Variants in FRMPD4 observed in about 807,000 individuals in gnomAD.
FRMPD4 encodes FERM and PDZ domain containing 4.
In FRMPD4, 22 loss-of-function variants were observed where a neutral mutation model predicts 94.1. The ratio of observed to expected loss-of-function variants is 0.23; its 90% CI spans 0.17 to 0.33. FRMPD4 has a LOEUF of 0.33. FRMPD4 is among the 10% of genes least tolerant of loss of function. The probability of loss-of-function intolerance (pLI) is 1.00; values close to 1 mark genes in which losing one functional copy is unlikely to be tolerated. For missense variants in FRMPD4, 1,111 were observed against 1,339.9 expected, an observed-to-expected ratio of 0.83 and a Z score of 2.67; for synonymous variants, 631 against 548.6, an observed-to-expected ratio of 1.15 and a Z score of -2.10.
At chrX:12,700,502 C>T (rs1218629380) in intron 9 of FRMPD4, among the ~76,000 whole-genome samples, 4 of 111,923 alleles carry the variant, frequency 3.6e-5, no homozygotes, top group African/African-American at 1.3e-4. Flanking sequence ...TGTTCCCATG[C>T]AGCACTTTAC....
intron 1 of FRMPD4, among the ~76,000 whole-genome samples, chrX:12,439,526 G>A (rs1327272660): frequency 9.0e-6 from 1 of 111,729 alleles, no homozygotes; most frequent in Non-Finnish European, 1.9e-5. Context: ...ATTTCCCATG[G>A]AAACAGGCAT....
intron 1 of FRMPD4, among the ~76,000 whole-genome samples, chrX:12,224,315 A>G (rs1217554924): frequency 9.0e-6 from 1 of 110,749 alleles, no homozygotes; most frequent in African/African-American, 3.3e-5. Context: ...ATGGCGTGAT[A>G]ATGGCTCACT....
intron 1 of FRMPD4, among the ~76,000 whole-genome samples, chrX:12,161,617 C>G (rs2056027267): frequency 8.9e-6 from 1 of 111,834 alleles, no homozygotes; most frequent in Admixed American, 9.5e-5. Flanking sequence ...AAGGAAGAAG[C>G]AGAGTTAGGA....
At chrX:12,174,163 C>G (rs1446008312) in intron 1 of FRMPD4, among the ~76,000 whole-genome samples, 1 of 112,490 alleles carries the variant, frequency 8.9e-6, no homozygotes, top group African/African-American at 3.2e-5. Flanking sequence ...CTATTCAACT[C>G]TGCCCATGTA....
At chrX:12,086,828 C>T (rs1163549519) in intron 3 of FRMPD4, among the ~76,000 whole-genome samples, 1 of 111,956 alleles carries the variant, frequency 8.9e-6, no homozygotes, top group African/African-American at 3.3e-5. Context: ...ATGGCTGCAG[C>T]GAAGGTGGTG....
At chrX:12,376,636 C>T (rs2056241193) in intron 1 of FRMPD4, among the ~76,000 whole-genome samples, 3 of 109,787 alleles carry the variant, frequency 2.7e-5, no homozygotes, top group South Asian at 3.6e-4. Context: ...TGTGGGTGCA[C>T]GTGCATGTGG....
chrX:11,861,280 G>C (rs2147297535), intron 1 of FRMPD4, among the ~76,000 whole-genome samples: 1 of 111,232 alleles, frequency 9.0e-6, no homozygotes, highest in African/African-American at 3.3e-5. Context: ...TTGCTATGTG[G>C]CTCATTGTAC....
intron 14 of FRMPD4, 71 bp from the exon 15 acceptor site, chrX:12,715,998 G>GCGGGGGGCCCCCCCCCCC: frequency 2.6e-6 from 1 of 383,858 alleles, no homozygotes; most frequent in East Asian, 4.2e-5. Context: ...ACAGAGACGA[G>GCGGGGGGCCCCCCCCCCC]CCTCCCACCC....
chrX:12,720,993 T>A lies in FRMPD4; in HGVS notation c.4424T>A (p.Val1475Glu), dbSNP rs200719633. Residue 1475 changes from valine (V) to glutamate (E), a missense_variant, in exon 17 of 17, where the codon GTG becomes GAG. Physicochemically the swap from Val to Glu is moderately radical, Grantham distance 121. Transcript: ENST00000675598. ...GGGAGGTTTCACAAAAGGTCCCCAGTGGCTCATAAAGACTCAAAGCTGTAT... is the reference window on the plus strand; with the variant it reads ...GGGAGGTTTCACAAAAGGTCCCCAGAGGCTCATAAAGACTCAAAGCTGTAT... ...SEGRFHKRSP[V>E]AHKDSKLYRT... is the part of the protein sequence containing the mutation. The A allele has an allele frequency of 1.0e-5, 8 of 773,940 alleles. No individual in the cohort carries two copies. The highest frequency in any genetic ancestry group is 1.2e-5 in the Non-Finnish European group (8 of 650,185). 63.8% of individuals were successfully genotyped at this position (773,940 alleles called of 1,213,427 possible). A position where few individuals can be genotyped will look rare whatever the true frequency, so the allele number is the denominator to read the frequency against.
At chrX:12,659,982 C>T (rs1352625059) in intron 4 of FRMPD4, among the ~76,000 whole-genome samples, 2 of 111,802 alleles carry the variant, frequency 1.8e-5, no homozygotes, top group Non-Finnish European at 3.8e-5. Context: ...TTACAAAATA[C>T]AATAAAATAA....
intron 4 of FRMPD4, among the ~76,000 whole-genome samples, chrX:12,665,979 C>T (rs771398289): frequency 9.1e-6 from 1 of 110,497 alleles, no homozygotes; most frequent in African/African-American, 3.3e-5. Flanking sequence ...CACAGACTGG[C>T]GAATTGGATA....
chrX:11,867,649 T>G (rs777507198), intron 2 of FRMPD4, among the ~76,000 whole-genome samples: 1 of 111,923 alleles, frequency 8.9e-6, no homozygotes, highest in Non-Finnish European at 1.9e-5. Flanking sequence ...AAAATGCTGA[T>G]ATTTTCAGCC....
At chrX:11,843,815 C>T (rs2053555965) in intron 1 of FRMPD4, among the ~76,000 whole-genome samples, 1 of 110,686 alleles carries the variant, frequency 9.0e-6, no homozygotes, top group Non-Finnish European at 1.9e-5. Flanking sequence ...CCTTCAAAAG[C>T]ACTTGGGATT....
At chrX:12,469,302 T>C (rs942039503) in intron 1 of FRMPD4, among the ~76,000 whole-genome samples, 3 of 111,010 alleles carry the variant, frequency 2.7e-5, no homozygotes, top group Non-Finnish European at 3.8e-5. Context: ...CAGGCTGGAG[T>C]GCAATGGCGC....
At chrX:11,958,048 T>TA (rs754537106) in intron 3 of FRMPD4, among the ~76,000 whole-genome samples, 1 of 112,254 alleles carries the variant, frequency 8.9e-6, no homozygotes, top group East Asian at 2.8e-4. Context: ...TTTGTTCAGT[T>TA]ACAATTTTTT....
At chrX:12,586,047 T>G (rs1157746667) in intron 2 of FRMPD4, among the ~76,000 whole-genome samples, 2 of 112,452 alleles carry the variant, frequency 1.8e-5, no homozygotes, top group East Asian at 5.6e-4. Flanking sequence ...TATTCAGCCT[T>G]GTACATTAGA....
chrX:12,501,267 G>C (rs1001017255), intron 2 of FRMPD4, among the ~76,000 whole-genome samples: 6 of 112,525 alleles, frequency 5.3e-5, no homozygotes, highest in African/African-American at 1.6e-4. Context: ...TAAAACCAAA[G>C]TCACCAGTGT....
intron 1 of FRMPD4, among the ~76,000 whole-genome samples, chrX:12,483,690 GT>G (rs2057711867): frequency 9.0e-6 from 1 of 111,658 alleles, no homozygotes; most frequent in African/African-American, 3.3e-5. Flanking sequence ...AAATGCAGAA[GT>G]TTTACTGTAT....
In FRMPD4 at chrX:12,716,716, G is replaced by A. The variant is rs775114807; in HGVS notation, c.2257G>A (p.Glu753Lys). 8.3e-7 allele frequency: 1 copy of A among 1,211,756 alleles called. No individual in the cohort carries two copies. The highest frequency in any genetic ancestry group is 1.1e-6 in the Non-Finnish European group (1 of 895,348). ...CACTGATGACGCGGAGGACGAGGACGAGGTGAGCTGCGAGGAGGACCTCGT... is the reference window on the plus strand; with the variant it reads ...CACTGATGACGCGGAGGACGAGGACAAGGTGAGCTGCGAGGAGGACCTCGT... ...ENTDDAEDED[E>K]VSCEEDLVVG... Residue 753 changes from glutamate (E) to lysine (K), a missense_variant, in exon 15 of 17, where the codon GAG becomes AAG. Coordinates refer to ENST00000675598, the MANE Select transcript of FRMPD4 (RefSeq NM_001368397.1).
Sources: gnomAD v4.1 joint callset for allele counts (sites outside exome capture counted in the v4.1 genomes callset) on GRCh38, gnomAD v4.1.1 for gene constraint, MANE v1.5 for transcripts, NCBI Gene and HGNC (gene_info 2026-07-23, HGNC 2026-07-21) for gene names.